NRXN1: variants seen among roughly 807,000 people sequenced by gnomAD.
NRXN1 encodes neurexin 1.
In NRXN1, 39 loss-of-function variants were observed where a neutral mutation model predicts 150.9. The ratio of observed to expected loss-of-function variants is 0.26; its 90% confidence interval spans 0.20 to 0.34. The LOEUF (loss-of-function observed/expected upper bound fraction) is 0.34. Among genes scored for constraint, NRXN1 ranks in the 10% least tolerant of loss-of-function variants. The probability of loss-of-function intolerance (pLI) is 1.00; values close to 1 mark genes in which losing one functional copy is unlikely to be tolerated. For missense variants in NRXN1, 1,815 were observed against 1,949.9 expected (o/e 0.93, Z 1.30); for synonymous variants, 924 against 757.0 (o/e 1.22, Z -3.62).
rs1488321830 is a variant in NRXN1 at position 50,346,900 on chromosome 2, C to CCGCCGCCGCCGCCGA, written c.3365-109931_3365-109930insTCGGCGGCGGCGGCG. On this transcript the variant is annotated intron_variant, in intron 17 of 22. Coordinates refer to ENST00000401669, the MANE Select transcript of NRXN1 (RefSeq NM_001330078.2). This position sits in a 1 kb window ranked among gnomAD's most constrained non-coding sequence, Gnocchi z 5.0. Reference sequence around the variant, plus strand: ...GCCGCCGCCGCCGCCGCCGCCGCCGCCCCCGGGCGAGCCCAGCTCGGCGCC... The same window carrying CCGCCGCCGCCGCCGA: ...GCCGCCGCCGCCGCCGCCGCCGCCGCCGCCGCCGCCGCCGACCCCGGGCGAGCCCAGCTCGGCGCC... The CCGCCGCCGCCGCCGA allele has an allele frequency of 7.7e-7, 1 of 1,296,298 alleles. No individual in the cohort carries two copies. The highest frequency in any genetic ancestry group is 9.8e-7 in the Non-Finnish European group (1 of 1,023,900). 80.3% of individuals were successfully genotyped at this position (1,296,298 alleles called of 1,614,324 possible).
At chr2:50,568,543 C>T (rs957971186) in intron 8 of NRXN1, among the ~76,000 whole-genome samples, 5 of 152,150 alleles carry the variant, frequency 3.3e-5, no homozygotes, top group Admixed American at 1.3e-4. Context: ...TGACAAGCTG[C>T]TCAACATCAC....
intron 5 of NRXN1, among the ~76,000 whole-genome samples, chr2:50,797,860 A>G (rs557161056): frequency 6.6e-6 from 1 of 152,312 alleles, no homozygotes; most frequent in South Asian, 2.1e-4. Context: ...TCATTCTAAG[A>G]CAAACTAACT....
intron 5 of NRXN1, among the ~76,000 whole-genome samples, chr2:50,729,001 C>T (rs887816205): frequency 3.9e-5 from 6 of 151,948 alleles, no homozygotes; most frequent in African/African-American, 1.5e-4. Context: ...ACTGTGAAAC[C>T]TTTTTTTCCC....
chr2:51,008,206 C>T (rs1487502128), intron 2 of NRXN1, among the ~76,000 whole-genome samples: 1 of 151,776 alleles, frequency 6.6e-6, no homozygotes, highest in Non-Finnish European at 1.5e-5. Flanking sequence ...TAAACCCAAG[C>T]AGTGCTCCAA....
At chr2:50,766,417 G>A (rs1390922060) in intron 5 of NRXN1, among the ~76,000 whole-genome samples, 1 of 152,026 alleles carries the variant, frequency 6.6e-6, no homozygotes, top group Non-Finnish European at 1.5e-5. Context: ...AAAACTCAAA[G>A]AATCTTCTAA....
intron 22 of NRXN1, among the ~76,000 whole-genome samples, chr2:49,942,274 C>T (rs942590081): frequency 3.8e-4 from 58 of 152,236 alleles, no homozygotes; most frequent in African/African-American, 1.4e-3. Context: ...GTCTCCCACG[C>T]CCTGTCCTGT....
At chr2:50,851,130 A>G (rs1449102791) in intron 5 of NRXN1, among the ~76,000 whole-genome samples, 1 of 152,202 alleles carries the variant, frequency 6.6e-6, no homozygotes, top group Non-Finnish European at 1.5e-5. Context: ...AATACATGCA[A>G]TGAATAATTG....
At chr2:50,917,286 T>C (rs1231749648) in intron 5 of NRXN1, 1 of 151,712 alleles carries the variant, frequency 6.6e-6, no homozygotes, top group Non-Finnish European at 1.5e-5. Flanking sequence ...AATTTAAGAA[T>C]TTATACAGAA....
At chr2:50,205,848 G>A (rs1259935462) in intron 18 of NRXN1, among the ~76,000 whole-genome samples, 1 of 151,940 alleles carries the variant, frequency 6.6e-6, no homozygotes, top group East Asian at 1.9e-4. Context: ...AAAAAGCCTA[G>A]TCACAAAAGA....
At chr2:50,324,762 A>T (rs2076279195) in intron 17 of NRXN1, among the ~76,000 whole-genome samples, 1 of 152,050 alleles carries the variant, frequency 6.6e-6, no homozygotes, top group Non-Finnish European at 1.5e-5. Flanking sequence ...CACTCCTCCA[A>T]CATTTCCTTA....
At chr2:50,412,905 A>C (rs879028771) in intron 17 of NRXN1, among the ~76,000 whole-genome samples, 1 of 152,238 alleles carries the variant, frequency 6.6e-6, no homozygotes, top group Non-Finnish European at 1.5e-5. Context: ...GCTAGACCCC[A>C]ATCTTTCTCC....
At chr2:50,408,837 ATCTCTCTCTCTCTCTC>A (rs10522429) in intron 17 of NRXN1, among the ~76,000 whole-genome samples, 38,814 of 136,644 alleles carry the variant, frequency 0.28, 7,148 homozygotes, top group African/African-American at 0.53. Context: ...ATCAATCTCA[ATCTCTCTCTCTCTCTC>A]TCTCTCTCTC....
At chr2:50,208,391 G>A (rs1486942230) in intron 18 of NRXN1, among the ~76,000 whole-genome samples, 1 of 152,078 alleles carries the variant, frequency 6.6e-6, no homozygotes, top group Non-Finnish European at 1.5e-5. Context: ...TACTGACCAA[G>A]CAGGTATCAA....
rs1046542836 is a variant in NRXN1, at chr2:50,689,423, A to G, written c.833-65808T>C. Among the ~76,000 whole-genome samples the G allele has an allele frequency of 3.1e-4, 47 of 152,212 alleles. 1 individual carries two copies. The highest frequency in any genetic ancestry group is 3.1e-3 in the Admixed American group (47 of 15,274). The stretch of plus-strand genomic sequence containing the variant: ...TCAATATAGGTAATCACTTGCATAC[A>G]CCAAGACAATTTTACTCTAAATGCC... On this transcript the variant is annotated intron_variant, in intron 5 of 22. Coordinates refer to ENST00000401669, the MANE Select transcript of NRXN1 (RefSeq NM_001330078.2).
chr2:50,707,588 C>T (rs1044965086), intron 5 of NRXN1, among the ~76,000 whole-genome samples: 22 of 152,250 alleles, frequency 1.4e-4, no homozygotes, highest in South Asian at 4.1e-4. Flanking sequence ...TTTAATCCTG[C>T]TGCCCTGATG....
At chr2:50,378,054 C>A (rs1478947837) in intron 17 of NRXN1, among the ~76,000 whole-genome samples, 1 of 152,082 alleles carries the variant, frequency 6.6e-6, no homozygotes, top group African/African-American at 2.4e-5. Flanking sequence ...AAACTAAAAC[C>A]AGGCTAGACA....
Position 50,149,398 on chromosome 2 carries a change from CAG to C in NRXN1, c.3547-57906_3547-57905del, listed in dbSNP as rs1286400309. On this transcript the variant is annotated intron_variant, in intron 18 of 22. Coordinates refer to ENST00000401669, the MANE Select transcript of NRXN1 (RefSeq NM_001330078.2). Reference sequence around the variant, plus strand: ...TTGTCACCACTACTGATAAATAACTCAGAGAACTGATCTATATAGGTGACAAA... The same window carrying C: ...TTGTCACCACTACTGATAAATAACTCAGAACTGATCTATATAGGTGACAAA... Among the ~76,000 whole-genome samples, 3 of 151,618 alleles carry C rather than the reference CAG, an allele frequency of 2.0e-5. No homozygotes were observed. The Admixed American group carries it at 2.0e-4, about 10-fold the overall frequency.
chr2:50,300,124 T>A (rs753354826), intron 17 of NRXN1, among the ~76,000 whole-genome samples: 1 of 152,146 alleles, frequency 6.6e-6, no homozygotes, highest in Non-Finnish European at 1.5e-5. Context: ...AGAGCAATTT[T>A]TCTTTAATGG....
At chr2:50,463,303 C>A (rs1057468679) in intron 17 of NRXN1, among the ~76,000 whole-genome samples, 2 of 151,756 alleles carry the variant, frequency 1.3e-5, no homozygotes, top group Non-Finnish European at 2.9e-5. Flanking sequence ...TATCTTCTAC[C>A]AATTATAATT....
Sources: gnomAD v4.1 joint callset for allele counts (sites outside exome capture counted in the v4.1 genomes callset) on GRCh38, gnomAD v4.1.1 for gene constraint, Gnocchi (gnomAD v3.1) non-coding constraint, MANE v1.5 for transcripts, NCBI Gene and HGNC (gene_info 2026-07-23, HGNC 2026-07-21) for gene names.